The following PPP2R2A variants were observed in gnomAD, a reference collection of about 807,000 sequenced individuals.
PPP2R2A encodes protein phosphatase 2 regulatory subunit Balpha, also known as serine/threonine-protein phosphatase 2A 55 kDa regulatory subunit B alpha isoform.
In PPP2R2A, 9 loss-of-function variants were observed where a neutral mutation model predicts 53.2. The ratio of observed to expected loss-of-function variants is 0.17; its 90% CI spans 0.10 to 0.30. The LOEUF is 0.30. Ranked by LOEUF, PPP2R2A falls within the 10% of genes least tolerant of loss-of-function variation. The pLI, the probability that PPP2R2A is intolerant of heterozygous loss-of-function variation, is 1.00. For synonymous variants in PPP2R2A, 169 were observed against 174.2 expected (o/e 0.97, Z 0.23); for missense variants, 235 against 534.6 (o/e 0.44, Z 5.53).
At chr8:26,318,119 A>G (rs1017832416) in intron 2 of PPP2R2A, among the ~76,000 whole-genome samples, 2 of 152,162 alleles carry the variant, frequency 1.3e-5, no homozygotes, top group African/African-American at 2.4e-5. Flanking sequence ...CCATTACTAA[A>G]GGAGAAAGGG....
chr8:26,319,956 G>A (rs1802750883), intron 2 of PPP2R2A, among the ~76,000 whole-genome samples: 1 of 151,848 alleles, frequency 6.6e-6, no homozygotes, highest in Admixed American at 6.6e-5. Context: ...TTCCTTTTTG[G>A]GTTGTTCATT....
Position 26,301,311 on chromosome 8 carries a change from C to CT in PPP2R2A, c.82+7581dup, listed in dbSNP as rs922499690. Reference sequence around the variant, plus strand: ...TGTTGAATTTTCAGCTAATGCCATTCTTTTTTTTTTCCTTTTTCTTTTTTT... The same window carrying CT: ...TGTTGAATTTTCAGCTAATGCCATTCTTTTTTTTTTTCCTTTTTCTTTTTTT... On this transcript the variant is annotated intron_variant, in intron 2 of 9. Transcript: ENST00000380737. Among the ~76,000 whole-genome samples the CT allele has an allele frequency of 2.1e-3, 302 of 142,010 alleles. 1 individual carries two copies. In the Middle Eastern group the frequency reaches 0.03, roughly 14 times the overall value. The allele number at this position is 142,010 out of a possible 152,430, so 93.2% of individuals were successfully genotyped here.
intron 2 of PPP2R2A, among the ~76,000 whole-genome samples, chr8:26,336,436 A>G (rs1006017550): frequency 7.9e-5 from 12 of 151,994 alleles, no homozygotes; most frequent in African/African-American, 2.9e-4. Flanking sequence ...CTCAAAAAAT[A>G]ATAAATTGGC....
intron 2 of PPP2R2A, among the ~76,000 whole-genome samples, chr8:26,312,327 C>T (rs1301265963): frequency 6.6e-6 from 1 of 152,192 alleles, no homozygotes; most frequent in African/African-American, 2.4e-5. Flanking sequence ...GGTTAAAATA[C>T]AGATGATGAT....
At chr8:26,352,347 CTCCCAAAGT>C (rs1804561044) in intron 3 of PPP2R2A, among the ~76,000 whole-genome samples, 1 of 152,180 alleles carries the variant, frequency 6.6e-6, no homozygotes, top group Non-Finnish European at 1.5e-5. Context: ...TAAACATCCC[CTCCCAAAGT>C]GTTAGGAAAA....
chr8:26,342,540 T>C (rs1005888093), intron 3 of PPP2R2A, among the ~76,000 whole-genome samples: 1 of 152,194 alleles, frequency 6.6e-6, no homozygotes, highest in African/African-American at 2.4e-5. Context: ...ACCTTCAGTT[T>C]CTCTGAGACT....
intron 2 of PPP2R2A, among the ~76,000 whole-genome samples, chr8:26,337,097 C>T (rs1035656746): frequency 2.0e-5 from 3 of 151,946 alleles, no homozygotes; most frequent in African/African-American, 4.8e-5. Flanking sequence ...GCAACTCGGC[C>T]CATTATTCCA....
chr8:26,298,470 C>G (rs1801638476), intron 2 of PPP2R2A: 1 of 152,214 alleles, frequency 6.6e-6, no homozygotes. Context: ...CATTATCACC[C>G]CCATTTCTGT....
chr8:26,323,037 C>T (rs1585354407), intron 2 of PPP2R2A, among the ~76,000 whole-genome samples: 1 of 152,302 alleles, frequency 6.6e-6, no homozygotes, highest in Non-Finnish European at 1.5e-5. Flanking sequence ...TTCCAGAAAA[C>T]TTCTTCCTAC....
intron 2 of PPP2R2A, among the ~76,000 whole-genome samples, chr8:26,308,664 C>G (rs1802132695): frequency 6.6e-6 from 1 of 152,190 alleles, no homozygotes. Flanking sequence ...TCTTGAGCCC[C>G]TCGGAGTTAT....
At chr8:26,366,605 T>A (rs1563328369) in intron 9 of PPP2R2A, among the ~76,000 whole-genome samples, 199 bp downstream of exon 9, 1 of 152,190 alleles carries the variant, frequency 6.6e-6, no homozygotes, top group Non-Finnish European at 1.5e-5. Context: ...TTCTAGGTAA[T>A]CTAAATTATT....
chr8:26,346,730 A>G (rs1037108285), intron 3 of PPP2R2A, among the ~76,000 whole-genome samples: 7 of 152,192 alleles, frequency 4.6e-5, no homozygotes, highest in African/African-American at 1.4e-4. Context: ...CTTAGTGTCT[A>G]GTTATTAAGA....
At chr8:26,369,201 G>C (rs974661066) in intron 9 of PPP2R2A, among the ~76,000 whole-genome samples, 6 of 151,944 alleles carry the variant, frequency 3.9e-5, no homozygotes, top group Non-Finnish European at 8.8e-5. Context: ...TATTAAATGT[G>C]ATTATCTGAA....
intron 2 of PPP2R2A, among the ~76,000 whole-genome samples, chr8:26,314,075 C>T (rs955957856): frequency 1.3e-5 from 2 of 152,116 alleles, no homozygotes; most frequent in Non-Finnish European, 2.9e-5. Flanking sequence ...TCACTGTTTT[C>T]TTTCTGCACC....
intron 2 of PPP2R2A, among the ~76,000 whole-genome samples, chr8:26,314,901 C>G (rs1226148858): frequency 1.4e-5 from 2 of 143,386 alleles, no homozygotes; most frequent in African/African-American, 2.6e-5. Context: ...CCCCCCCCCC[C>G]CCAACTATTT....
chr8:26,328,486 C>G (rs1803206509), intron 2 of PPP2R2A, among the ~76,000 whole-genome samples: 1 of 152,110 alleles, frequency 6.6e-6, no homozygotes, highest in South Asian at 2.1e-4. Context: ...ATTTTTCCAC[C>G]TTGTGGAAAT....
chr8:26,300,554 CAGAA>C (rs1351535161), intron 2 of PPP2R2A, among the ~76,000 whole-genome samples: 26 of 152,162 alleles, frequency 1.7e-4, no homozygotes, highest in African/African-American at 5.5e-4. Flanking sequence ...CCTCAGCAGA[CAGAA>C]AGAAAAGTAA....
chr8:26,330,879 T>G (rs1803334143), intron 2 of PPP2R2A, among the ~76,000 whole-genome samples: 1 of 152,306 alleles, frequency 6.6e-6, no homozygotes, highest in African/African-American at 2.4e-5. Context: ...TTTGATCCTT[T>G]CCAAGGATCA....
At chr8:26,309,280 A>G (rs769116413) in intron 2 of PPP2R2A, among the ~76,000 whole-genome samples, 5 of 151,920 alleles carry the variant, frequency 3.3e-5, no homozygotes, top group East Asian at 1.9e-4. Flanking sequence ...GTCCCTCTCT[A>G]TCAGAGTTCT....
Sources: gnomAD v4.1 joint callset for allele counts (sites outside exome capture counted in the v4.1 genomes callset) on GRCh38, gnomAD v4.1.1 for gene constraint, MANE v1.5 for transcripts, NCBI Gene and HGNC (gene_info 2026-07-23, HGNC 2026-07-21) for gene names.